Variants in CBX5 observed in about 807,000 individuals in gnomAD.
CBX5 encodes chromobox protein homolog 5.
A neutral mutation model predicts 20.7 loss-of-function variants in CBX5; 7 were observed. The observed-to-expected ratio is 0.34, with a 90% CI of 0.19 to 0.63. The LOEUF is 0.63. Ranked by LOEUF, CBX5 falls within the 30% of genes least tolerant of loss-of-function variation. CBX5 has a pLI of 0.75. For synonymous variants in CBX5, 78 were observed against 77.0 expected (o/e 1.01, Z -0.07); for missense variants, 110 against 224.1 (o/e 0.49, Z 3.25).
chr12:54,267,671 C>A (rs1388763922), intron 1 of CBX5, among the ~76,000 whole-genome samples: 1 of 152,082 alleles, frequency 6.6e-6, no homozygotes, highest in African/African-American at 2.4e-5. Context: ...GCCACCACGC[C>A]CGGCTAATTT....
intron 4 of CBX5, among the ~76,000 whole-genome samples, chr12:54,242,393 C>T (rs537044938): frequency 7.9e-5 from 12 of 152,052 alleles, no homozygotes; most frequent in Admixed American, 3.3e-4. Flanking sequence ...GGCGTGGTGG[C>T]GGGCGCCTGT....
chr12:54,236,808 C>CG lies in CBX5; in HGVS notation c.*4946dup, dbSNP rs1000597628. 1.3e-5 allele frequency: 2 copies of CG among 152,066 alleles called. No homozygotes were observed. The highest frequency in any genetic ancestry group is 2.9e-5 in the Non-Finnish European group (2 of 68,006). The allele number at this position is 152,066 out of a possible 1,614,324, so 9.4% of individuals were successfully genotyped here. A position where few individuals can be genotyped will look rare whatever the true frequency, so the allele number is the denominator to read the frequency against. ...CCTTAAGGTAGAGACAATTGCTCCC[C>CG]GGGCCAAACACAGATCCCTCCAACC... is the stretch of plus-strand genomic sequence containing the variant. On this transcript the variant is annotated 3_prime_UTR_variant, in exon 5 of 5. Transcript: ENST00000209875.
chr12:54,274,038 GGCAGA>G (rs1944036090), intron 1 of CBX5: 1 of 152,228 alleles, frequency 6.6e-6, no homozygotes, highest in African/African-American at 2.4e-5. Flanking sequence ...CAAAGAAATT[GGCAGA>G]TCTGAGAAGA....
At chr12:54,271,475 G>A (rs549788146) in intron 1 of CBX5, among the ~76,000 whole-genome samples, 34 of 152,274 alleles carry the variant, frequency 2.2e-4, no homozygotes, top group African/African-American at 7.5e-4. Context: ...ACAGGCGCAC[G>A]CCACCATGCC....
chr12:54,249,229 G>T (rs1194644572), intron 3 of CBX5, among the ~76,000 whole-genome samples: 1 of 152,074 alleles, frequency 6.6e-6, no homozygotes, highest in Non-Finnish European at 1.5e-5. Context: ...AATTAGCCAG[G>T]CATGGTGGCA....
chr12:54,249,889 G>A (rs575559847), intron 3 of CBX5, among the ~76,000 whole-genome samples: 1 of 152,258 alleles, frequency 6.6e-6, no homozygotes, highest in Non-Finnish European at 1.5e-5. Flanking sequence ...AGAAATAATA[G>A]ATCAAGAGAA....
rs1565865116 is a variant in CBX5, at chr12:54,238,244, A to C, written c.*3511T>G. On this transcript the variant is annotated 3_prime_UTR_variant, in exon 5 of 5. Transcript: ENST00000209875. Reference sequence around the variant, plus strand: ...TCTGCATTAGGATCAAGACAAGAAGAAGACAGACAATCACTTTGGAATTCT... The same window carrying C: ...TCTGCATTAGGATCAAGACAAGAAGCAGACAGACAATCACTTTGGAATTCT... 6.6e-6 allele frequency: 1 copy of C among 152,186 alleles called. No individual in the cohort carries two copies. The allele number at this position is 152,186 out of a possible 1,614,324, so 9.4% of individuals were successfully genotyped here.
intron 1 of CBX5, among the ~76,000 whole-genome samples, chr12:54,258,641 G>T (rs942272274): frequency 2.6e-5 from 4 of 152,172 alleles, no homozygotes; most frequent in African/African-American, 9.7e-5. Context: ...ACACCAGGGG[G>T]TACTCAACAG....
chr12:54,265,124 A>G (rs896361514), intron 1 of CBX5, among the ~76,000 whole-genome samples: 10 of 152,194 alleles, frequency 6.6e-5, no homozygotes, highest in Non-Finnish European at 1.5e-4. Flanking sequence ...CCAGACTTGC[A>G]CGATTCCCAC....
intron 3 of CBX5, among the ~76,000 whole-genome samples, chr12:54,247,737 A>C (rs1297827881): frequency 1.3e-5 from 2 of 151,996 alleles, no homozygotes; most frequent in African/African-American, 4.8e-5. Flanking sequence ...GCAGTGGCGC[A>C]ATCTCAGCTC....
At position 54,252,195 on chromosome 12, in the gene CBX5, A is replaced by C; in HGVS notation, c.170T>G (p.Leu57Trp). The change falls in exon 3 of 5, where the codon TTG becomes TGG. Residue 57 changes from leucine to tryptophan, a missense_variant. By Grantham distance (61) the Leu-to-Trp change is moderately conservative (BLOSUM62 -2). Coordinates refer to ENST00000209875, the MANE Select transcript of CBX5 (RefSeq NM_012117.3). The part of the protein sequence containing the change: ...EHNTWEPEKN[L>W]DCPELISEFM... ...TTCAGAAATTAGCTCAGGGCAATCC[A>C]AGTTTTTCTCAGGTTCCCAAGTATT... The C allele has an allele frequency of 6.3e-7, 1 of 1,599,420 alleles. No homozygotes were observed. Among genetic ancestry groups the C allele is most frequent in the Non-Finnish European group, 8.5e-7 (1 of 1,174,380 alleles).
At chr12:54,259,199 A>T (rs1360106957) in intron 1 of CBX5, 1 of 152,212 alleles carries the variant, frequency 6.6e-6, no homozygotes, top group Non-Finnish European at 1.5e-5. Flanking sequence ...AAAATAAAAC[A>T]GCCTCCAACC....
rs192672058 is a variant in CBX5, at chr12:54,268,816, G to C, written c.-42-11124C>G. Among the ~76,000 whole-genome samples, 325 of 152,308 alleles carry C rather than the reference G, an allele frequency of 2.1e-3. 1 individual carries two copies. The highest frequency in any genetic ancestry group is 7.6e-3 in the African/African-American group (316 of 41,572). ...GTACATGTGGGTCCTAACCCAACTA[G>C]ATCATTAAAAGGTCAAATTGGACAA... On this transcript the variant is annotated intron_variant, in intron 1 of 4. Transcript: ENST00000209875.
intron 2 of CBX5, among the ~76,000 whole-genome samples, chr12:54,255,052 G>A (rs1042740467): frequency 6.6e-6 from 1 of 152,132 alleles, no homozygotes; most frequent in African/African-American, 2.4e-5. Context: ...CCTATAATGC[G>A]ATTATCCCTT....
chr12:54,254,367 G>A (rs935933768), intron 2 of CBX5, among the ~76,000 whole-genome samples: 1 of 150,584 alleles, frequency 6.6e-6, no homozygotes, highest in African/African-American at 2.4e-5. Context: ...TTATTTAGAT[G>A]GGAATGATTT....
intron 1 of CBX5, among the ~76,000 whole-genome samples, chr12:54,270,591 T>C (rs774203196): frequency 2.0e-5 from 3 of 152,200 alleles, no homozygotes; most frequent in Non-Finnish European, 2.9e-5. Context: ...AAAGTTTTGA[T>C]ATATCATCTT....
Position 54,239,757 on chromosome 12 carries a change from C to T in CBX5, c.*1998G>A, listed in dbSNP as rs1943657374. Reference sequence around the variant, plus strand: ...GAAGGATTTTCCTGGCTGACTTAAACCAAAAGCTTCATTGTTCCAGTCTGT... The same window carrying T: ...GAAGGATTTTCCTGGCTGACTTAAATCAAAAGCTTCATTGTTCCAGTCTGT... On this transcript the variant is annotated 3_prime_UTR_variant, in exon 5 of 5. Transcript: ENST00000209875. 1 of 152,204 alleles carries T rather than the reference C, an allele frequency of 6.6e-6. No homozygotes were observed. Among genetic ancestry groups the T allele is most frequent in the Non-Finnish European group, 1.5e-5 (1 of 68,024 alleles). 9.4% of individuals were successfully genotyped at this position (152,204 alleles called of 1,614,324 possible).
intron 1 of CBX5, chr12:54,278,962 T>C (rs899641366): frequency 6.6e-6 from 1 of 152,106 alleles, no homozygotes; most frequent in African/African-American, 2.4e-5. Flanking sequence ...AGAAAAGGGG[T>C]TGTAAGTATG....
chr12:54,256,405 G>A (rs772075536), intron 2 of CBX5, among the ~76,000 whole-genome samples: 38 of 152,082 alleles, frequency 2.5e-4, no homozygotes, highest in Non-Finnish European at 4.0e-4. Context: ...CACCTACAAC[G>A]CCAATAATTC....
Sources: gnomAD v4.1 joint callset for allele counts (sites outside exome capture counted in the v4.1 genomes callset) on GRCh38, gnomAD v4.1.1 for gene constraint, MANE v1.5 for transcripts, NCBI Gene and HGNC (gene_info 2026-07-23, HGNC 2026-07-21) for gene names.